CASK: variants seen among roughly 807,000 people sequenced by gnomAD.
CASK encodes the protein calcium/calmodulin dependent serine protein kinase, also known as peripheral plasma membrane protein CASK.
Under a neutral mutation model 82.9 loss-of-function variants are expected in CASK, and 4 were observed. The ratio of observed to expected loss-of-function variants is 0.05; its 90% confidence interval spans 0.02 to 0.11. CASK has a LOEUF of 0.11. Ranked by LOEUF, CASK falls within the 10% of genes least tolerant of loss-of-function variation. CASK has a pLI of 1.00. For missense variants in CASK, 358 were observed against 720.9 expected (o/e 0.50, Z 5.76); for synonymous variants, 259 against 253.5 (o/e 1.02, Z -0.20).
chrX:41,643,122 C>T (rs1010605875), intron 8 of CASK, among the ~76,000 whole-genome samples: 4 of 111,356 alleles, frequency 3.6e-5, no homozygotes, highest in Non-Finnish European at 5.7e-5. Flanking sequence ...TGTTTTGGTA[C>T]GAGTACCATG....
At chrX:41,589,416 G>A in intron 13 of CASK, 99 bp downstream of exon 13, 1 of 568,094 alleles carries the variant, frequency 1.8e-6, no homozygotes, top group South Asian at 2.5e-5. Context: ...GTCAAATTGT[G>A]ACTCCAGGGA....
chrX:41,912,307 T>TTTTTTTTTTTTTTTTTTTC (rs2072587215), intron 1 of CASK, among the ~76,000 whole-genome samples: 1 of 94,844 alleles, frequency 1.1e-5, no homozygotes, highest in Non-Finnish European at 2.1e-5. Flanking sequence ...TCTGTTTTTT[T>TTTTTTTTTTTTTTTTTTTC]TTTTTTTTTT....
chrX:41,628,603 C>G (rs2066417672), intron 9 of CASK, among the ~76,000 whole-genome samples: 1 of 111,646 alleles, frequency 9.0e-6, no homozygotes, highest in Admixed American at 9.6e-5. Flanking sequence ...CTGCGCCTGG[C>G]CAGAAAACAT....
intron 1 of CASK, among the ~76,000 whole-genome samples, chrX:41,864,522 G>T (rs931768457): frequency 2.7e-5 from 3 of 111,622 alleles, no homozygotes; most frequent in African/African-American, 9.8e-5. Context: ...CTTTGGACAT[G>T]ATAATCTAAA....
At chrX:41,708,438 T>C (rs763193792) in intron 5 of CASK, among the ~76,000 whole-genome samples, 44 of 112,195 alleles carry the variant, frequency 3.9e-4, no homozygotes, top group Non-Finnish European at 6.6e-4. Flanking sequence ...CTAGGATAAC[T>C]GTAGTTGTGA....
intron 17 of CASK, among the ~76,000 whole-genome samples, chrX:41,560,262 TTTTA>T (rs1167264993): frequency 9.0e-6 from 1 of 111,318 alleles, no homozygotes; most frequent in Non-Finnish European, 1.9e-5. Context: ...TTTAAAAATT[TTTTA>T]TTTATTTATT....
chrX:41,581,991 G>A (rs772035376), intron 14 of CASK, among the ~76,000 whole-genome samples: 117 of 111,060 alleles, frequency 1.1e-3, no homozygotes, highest in African/African-American at 1.9e-3. Flanking sequence ...ATTTCCTCTC[G>A]GAATTGTGAA....
intron 1 of CASK, among the ~76,000 whole-genome samples, chrX:41,921,868 C>T (rs2072786737): frequency 4.2e-5 from 1 of 23,828 alleles, no homozygotes; most frequent in Non-Finnish European, 7.4e-5. Context: ...AGCACCGCTT[C>T]CAAAAAAAAA....
At chrX:41,586,713 T>A in intron 14 of CASK, 194 bp downstream of exon 14, 1 of 411,433 alleles carries the variant, frequency 2.4e-6, no homozygotes, top group South Asian at 3.7e-5. Context: ...ACCAAGAGTA[T>A]CTTTACAGTT....
chrX:41,722,108 C>A (rs1328649406), intron 5 of CASK, among the ~76,000 whole-genome samples: 1 of 112,208 alleles, frequency 8.9e-6, no homozygotes, highest in Admixed American at 9.5e-5. Flanking sequence ...GACCTAAAAA[C>A]CAAAATAGTG....
At chrX:41,690,965 G>A (rs1036250207) in intron 5 of CASK, among the ~76,000 whole-genome samples, 1 of 111,511 alleles carries the variant, frequency 9.0e-6, no homozygotes, top group African/African-American at 3.3e-5. Flanking sequence ...GAACCATGGC[G>A]CTCAGCTGTC....
At chrX:41,703,608 G>C (rs1415771290) in intron 5 of CASK, among the ~76,000 whole-genome samples, 1 of 112,174 alleles carries the variant, frequency 8.9e-6, no homozygotes, top group Admixed American at 9.5e-5. Context: ...CTAACAATGG[G>C]CAATTTGGTG....
chrX:41,697,654 C>T (rs899345693), intron 5 of CASK: 1 of 111,195 alleles, frequency 9.0e-6, no homozygotes, highest in Non-Finnish European at 1.9e-5. Context: ...TATCATGTAG[C>T]GATGCAATGA....
chrX:41,696,094 T>C, intron 5 of CASK: 1 of 1,205,239 alleles, frequency 8.3e-7, no homozygotes, highest in Non-Finnish European at 1.1e-6. Context: ...GATCGCTATA[T>C]AAAAATTAAT....
intron 8 of CASK, among the ~76,000 whole-genome samples, chrX:41,657,458 A>G (rs906910855): frequency 6.7e-4 from 75 of 112,595 alleles, no homozygotes; most frequent in African/African-American, 2.3e-3. Flanking sequence ...ACTAATTATC[A>G]ATGCCTGAAT....
intron 7 of CASK, among the ~76,000 whole-genome samples, chrX:41,661,247 G>A (rs2067027442): frequency 9.0e-6 from 1 of 111,484 alleles, no homozygotes; most frequent in African/African-American, 3.3e-5. Flanking sequence ...AAGGCTCCTG[G>A]GAAAAGGGAT....
rs772328858 is a variant in CASK, at chrX:41,680,192, A to T, written c.430-8662T>A. 8.4e-3 allele frequency among the ~76,000 whole-genome samples: 921 copies of T among 109,498 alleles called. 13 individuals carry two copies. Among genetic ancestry groups the T allele is most frequent in the African/African-American group, 0.03 (885 of 29,957 alleles). On this transcript the variant is annotated intron_variant, in intron 5 of 26. Transcript: ENST00000378163. ...GAGTAAGACCTTGTCTCAAAAAAAAAAAAAAAATTGGCTGGACGCAGCGAC... is the reference window on the plus strand; with the variant it reads ...GAGTAAGACCTTGTCTCAAAAAAAATAAAAAAATTGGCTGGACGCAGCGAC...
chrX:41,921,260 A>T (rs1462872822), intron 1 of CASK, among the ~76,000 whole-genome samples: 2 of 112,432 alleles, frequency 1.8e-5, no homozygotes, highest in Non-Finnish European at 3.8e-5. Flanking sequence ...ATACAGATTA[A>T]GTATTTCTGA....
intron 11 of CASK, among the ~76,000 whole-genome samples, chrX:41,610,575 ACAGACT>A (rs1490946286): frequency 2.7e-5 from 3 of 111,395 alleles, no homozygotes; most frequent in African/African-American, 9.8e-5. Flanking sequence ...TCCTTTACAT[ACAGACT>A]CAAGAGATCC....
Sources: gnomAD v4.1 joint callset for allele counts (sites outside exome capture counted in the v4.1 genomes callset) on GRCh38, gnomAD v4.1.1 for gene constraint, MANE v1.5 for transcripts, NCBI Gene and HGNC (gene_info 2026-07-23, HGNC 2026-07-21) for gene names.